SLC36A2: variants seen among roughly 807,000 people sequenced by gnomAD.
SLC36A2 encodes the protein solute carrier family 36 member 2.
A neutral mutation model predicts 42.7 loss-of-function variants in SLC36A2; 39 were observed. That is an observed-to-expected ratio of 0.91 (90% confidence interval 0.71 to 1.19). The LOEUF is 1.19. Among genes scored for constraint, SLC36A2 ranks in the 50% most tolerant of loss-of-function variants. The pLI, the probability that SLC36A2 is intolerant of heterozygous loss-of-function variation, is 0.00. For synonymous variants in SLC36A2, 237 were observed against 240.8 expected (o/e 0.98, Z 0.15); for missense variants, 590 against 613.7 (o/e 0.96, Z 0.41).
intron 7 of SLC36A2, among the ~76,000 whole-genome samples, chr5:151,332,157 G>A (rs1756016002): frequency 6.6e-6 from 1 of 151,976 alleles, no homozygotes; most frequent in East Asian, 1.9e-4. Context: ...GTGAACCACC[G>A]CGCCCGGCTC....
At chr5:151,347,224 C>T in intron 1 of SLC36A2, 73 bp downstream of exon 1, 2 of 1,576,192 alleles carry the variant, frequency 1.3e-6, no homozygotes, top group Non-Finnish European at 1.7e-6. Flanking sequence ...CAGACACACC[C>T]ACCTCAGGGT....
intron 3 of SLC36A2, 123 bp downstream of exon 3, chr5:151,343,387 A>G: frequency 9.8e-7 from 1 of 1,015,278 alleles, no homozygotes; most frequent in East Asian, 2.4e-5. Context: ...AATGCTCTTC[A>G]CTCTTTCTTG....
intron 9 of SLC36A2, chr5:151,319,256 T>C (rs1009211630): frequency 1.4e-5 from 5 of 359,750 alleles, no homozygotes; most frequent in Non-Finnish European, 1.5e-5. Context: ...TAAGGGATTG[T>C]TATCTTTATA....
At position 151,324,600 on chromosome 5, in the gene SLC36A2, G is replaced by A. The variant is rs528529784; in HGVS notation, c.1010+686C>T. On this transcript the variant is annotated intron_variant, in intron 8 of 9. Coordinates refer to ENST00000335244, the MANE Select transcript of SLC36A2 (RefSeq NM_181776.3). ...ACCCACCCTGGCCTCCCAAAGTGCT[G>A]GGATTACAGGCATGAGCCATCACGC... Among the ~76,000 whole-genome samples, 224 of 152,214 alleles carry A rather than the reference G, an allele frequency of 1.5e-3. 1 individual carries two copies. Among genetic ancestry groups the A allele is most frequent in the Non-Finnish European group, 2.0e-3 (138 of 68,012 alleles).
At chr5:151,346,838 A>G (rs545698675) in intron 1 of SLC36A2, among the ~76,000 whole-genome samples, 32 of 152,346 alleles carry the variant, frequency 2.1e-4, no homozygotes, top group Middle Eastern at 3.4e-3. Flanking sequence ...AGTAGAGGCC[A>G]GGCTTACTGC....
In SLC36A2 at chr5:151,342,972, G is replaced by C; in HGVS notation, c.356C>G (p.Pro119Arg). 1 of 1,613,852 alleles carries C rather than the reference G, an allele frequency of 6.2e-7. No individual in the cohort carries two copies. The highest frequency in any genetic ancestry group is 1.1e-5 in the South Asian group (1 of 91,068). Reference protein sequence around the residue: ...AQRFCKRLNKPFMDYGDTVMH... With the variant: ...AQRFCKRLNKRFMDYGDTVMH... ...CACCGTGTCCCCATAGTCCATAAAG[G>C]GCTTGTTAAGCCTGCAGGAGAGAGT... Residue 119 changes from proline to arginine, a missense_variant, in exon 4 of 10, where the codon CCC becomes CGC. Pro to Arg is a moderately radical substitution (Grantham distance 103). Transcript: ENST00000335244.
chr5:151,338,904 G>T (rs752549290), intron 5 of SLC36A2, 156 bp downstream of exon 5: 3 of 634,848 alleles, frequency 4.7e-6, no homozygotes, highest in South Asian at 4.3e-5. Flanking sequence ...GAGATCTTCA[G>T]ATATGTGAAC....
At chr5:151,346,002 C>T (rs116450615) in intron 1 of SLC36A2, among the ~76,000 whole-genome samples, 1,660 of 152,288 alleles carry the variant, frequency 0.011, 34 homozygotes, top group African/African-American at 0.037. Flanking sequence ...AGTGGGAATT[C>T]GAGTCTGGGT....
At chr5:151,339,287 A>G (rs1756250275) in intron 4 of SLC36A2, 143 bp from the exon 5 acceptor site, 4 of 596,168 alleles carry the variant, frequency 6.7e-6, no homozygotes, top group Non-Finnish European at 1.3e-5. Context: ...ACAATCAACA[A>G]TGGGGCAAAG....
intron 4 of SLC36A2, 24 bp downstream of exon 4, chr5:151,342,864 G>A: frequency 6.2e-7 from 1 of 1,604,336 alleles, no homozygotes; most frequent in Non-Finnish European, 8.5e-7. Flanking sequence ...CTACCCCACT[G>A]CAGGCAAAGC....
chr5:151,317,683 A>AC (rs1297468815), intron 9 of SLC36A2, among the ~76,000 whole-genome samples: 1 of 152,118 alleles, frequency 6.6e-6, no homozygotes. Flanking sequence ...ACATAGTGAG[A>AC]CCCCATCTCA....
At chr5:151,318,555 A>T (rs1320296945) in intron 9 of SLC36A2, among the ~76,000 whole-genome samples, 1 of 145,892 alleles carries the variant, frequency 6.9e-6, no homozygotes, top group African/African-American at 2.5e-5. Flanking sequence ...TTATTTATAA[A>T]ATATATTTTT....
At chr5:151,330,047 C>T (rs10075702) in intron 7 of SLC36A2, among the ~76,000 whole-genome samples, 12,095 of 151,914 alleles carry the variant, frequency 0.08, 796 homozygotes, top group African/African-American at 0.19. Context: ...GGTCCTGGAA[C>T]CAATGTCCTA....
chr5:151,339,988 C>A (rs1332562057), intron 4 of SLC36A2, among the ~76,000 whole-genome samples: 5 of 151,794 alleles, frequency 3.3e-5, no homozygotes, highest in Non-Finnish European at 5.9e-5. Context: ...TTAGAAAACC[C>A]AATACCTAAG....
At chr5:151,336,315 C>T (rs1321397335) in intron 5 of SLC36A2, among the ~76,000 whole-genome samples, 1 of 152,164 alleles carries the variant, frequency 6.6e-6, no homozygotes, top group Non-Finnish European at 1.5e-5. Flanking sequence ...AAGATTAATT[C>T]CGATAGTGGA....
chr5:151,333,936 A>G (rs565404816), intron 6 of SLC36A2, among the ~76,000 whole-genome samples: 13 of 152,354 alleles, frequency 8.5e-5, no homozygotes, highest in African/African-American at 3.1e-4. Flanking sequence ...GACAGTGGTC[A>G]TGGGTGTTGG....
rs1349819995 is a variant in SLC36A2 at position 151,316,702 on chromosome 5, T to C, written c.*115A>G. ...TTGTGGTGAGCTGAGATCGCATCATTGTACTCCAGTCTGGGCAACAAGACA... is the reference window on the plus strand; with the variant it reads ...TTGTGGTGAGCTGAGATCGCATCATCGTACTCCAGTCTGGGCAACAAGACA... On this transcript the variant is annotated 3_prime_UTR_variant, in exon 10 of 10. Coordinates refer to ENST00000335244, the MANE Select transcript of SLC36A2 (RefSeq NM_181776.3). 4 of 1,291,766 alleles carry C rather than the reference T, an allele frequency of 3.1e-6. No homozygotes were observed. Among genetic ancestry groups the C allele is most frequent in the Non-Finnish European group, 3.1e-6 (3 of 956,622 alleles). The allele number at this position is 1,291,766 out of a possible 1,614,324, so 80.0% of individuals were successfully genotyped here.
chr5:151,342,716 A>G (rs897835267), intron 4 of SLC36A2, among the ~76,000 whole-genome samples, 172 bp downstream of exon 4: 7 of 152,212 alleles, frequency 4.6e-5, no homozygotes, highest in Non-Finnish European at 1.0e-4. Flanking sequence ...GTCACTAGAG[A>G]TACACAAGAA....
intron 5 of SLC36A2, among the ~76,000 whole-genome samples, chr5:151,337,707 C>G (rs1756199359): frequency 6.6e-6 from 1 of 151,764 alleles, no homozygotes; most frequent in Non-Finnish European, 1.5e-5. Context: ...ACTTTTGTGC[C>G]AACAGATGAT....
Sources: gnomAD v4.1 joint callset for allele counts (sites outside exome capture counted in the v4.1 genomes callset) on GRCh38, gnomAD v4.1.1 for gene constraint, MANE v1.5 for transcripts, NCBI Gene and HGNC (gene_info 2026-07-23, HGNC 2026-07-21) for gene names.